The following CCSER1 variants were observed in gnomAD, a reference collection of about 807,000 sequenced individuals.
CCSER1 encodes the protein serine-rich coiled-coil domain-containing protein 1.
CCSER1 carries 41 observed loss-of-function variants against 82.0 expected under a neutral mutation model. The observed-to-expected ratio is 0.50, with a 90% CI of 0.39 to 0.65. CCSER1 has a LOEUF of 0.65. Ranked by LOEUF, CCSER1 falls within the 30% of genes least tolerant of loss-of-function variation. The probability of loss-of-function intolerance (pLI) is 0.00; values close to 1 mark genes in which losing one functional copy is unlikely to be tolerated. For missense variants in CCSER1, 1,119 were observed against 1,064.2 expected, an observed-to-expected ratio of 1.05 and a Z score of -0.72; for synonymous variants, 414 against 383.9, an observed-to-expected ratio of 1.08 and a Z score of -0.92.
chr4:90,628,186 C>T lies in CCSER1; in HGVS notation c.1886C>T (p.Thr629Met), dbSNP rs748961219. The change falls in exon 6 of 11, where the codon ACG becomes ATG. Residue 629 changes from threonine to methionine, a missense_variant. Coordinates refer to ENST00000509176, the MANE Select transcript of CCSER1 (RefSeq NM_001145065.2). Reference sequence around the variant, plus strand: ...TTCAGACTGATGTTACAGGACTGCACGGCAGTCAAGACGTTATTATTAAAG... The same window carrying T: ...TTCAGACTGATGTTACAGGACTGCATGGCAGTCAAGACGTTATTATTAAAG... ...LPFRLMLQDC[T>M]AVKTLLLKMK... 3.0e-5 allele frequency: 48 copies of T among 1,613,556 alleles called. No individual in the cohort carries two copies. The highest frequency in any genetic ancestry group is 1.2e-4 in the South Asian group (11 of 91,074).
intron 8 of CCSER1, among the ~76,000 whole-genome samples, chr4:90,846,260 T>A (rs1305794684): frequency 1.3e-5 from 2 of 152,210 alleles, no homozygotes; most frequent in Non-Finnish European, 2.9e-5. Flanking sequence ...GCGTGAGAGT[T>A]AAATTACTCC....
chr4:90,149,199 G>A lies in CCSER1; in HGVS notation c.-42+21368G>A, dbSNP rs1047232111. The stretch of plus-strand genomic sequence containing the variant: ...GATATTTTTCTTATTTTGAAGATGA[G>A]GATATGGAAGGATAGATATGCTGAG... On this transcript the variant is annotated intron_variant, in intron 1 of 10. Coordinates refer to ENST00000509176, the MANE Select transcript of CCSER1 (RefSeq NM_001145065.2). Among the ~76,000 whole-genome samples the A allele has an allele frequency of 2.0e-5, 3 of 152,114 alleles. No homozygotes were observed. In the South Asian group the frequency reaches 6.2e-4, roughly 32 times the overall value.
intron 10 of CCSER1, among the ~76,000 whole-genome samples, chr4:91,330,444 A>C (rs1746868555): frequency 6.6e-6 from 1 of 152,060 alleles, no homozygotes; most frequent in Non-Finnish European, 1.5e-5. Context: ...AGTCTTAGGA[A>C]ATTTTCTATT....
At chr4:91,532,942 A>G (rs1357507286) in intron 10 of CCSER1, among the ~76,000 whole-genome samples, 1 of 152,040 alleles carries the variant, frequency 6.6e-6, no homozygotes, top group African/African-American at 2.4e-5. Flanking sequence ...TTGTGGAGGT[A>G]TCCCATAAAG....
At chr4:90,728,472 TA>T (rs1744088561) in intron 7 of CCSER1, among the ~76,000 whole-genome samples, 1 of 152,158 alleles carries the variant, frequency 6.6e-6, no homozygotes, top group South Asian at 2.1e-4. Flanking sequence ...TTAACTTTAA[TA>T]TGCACAGAGC....
At chr4:90,265,909 T>A (rs533164114) in intron 1 of CCSER1, among the ~76,000 whole-genome samples, 2 of 152,164 alleles carry the variant, frequency 1.3e-5, no homozygotes, top group Non-Finnish European at 2.9e-5. Context: ...TTTTTAGTCA[T>A]TTAAATACAA....
At chr4:90,140,380 G>T (rs867216515) in intron 1 of CCSER1, among the ~76,000 whole-genome samples, 15 of 152,282 alleles carry the variant, frequency 9.9e-5, no homozygotes, top group Admixed American at 3.3e-4. Context: ...CAGAAGTGAT[G>T]ATTGTCTTTG....
At chr4:90,334,692 T>C (rs1460912210) in intron 3 of CCSER1, among the ~76,000 whole-genome samples, 4 of 152,166 alleles carry the variant, frequency 2.6e-5, no homozygotes, top group Non-Finnish European at 5.9e-5. Context: ...TACCCAATAA[T>C]CATGAACTTA....
chr4:91,160,472 C>T (rs1731273802), intron 10 of CCSER1, among the ~76,000 whole-genome samples: 1 of 152,218 alleles, frequency 6.6e-6, no homozygotes, highest in Non-Finnish European at 1.5e-5. Flanking sequence ...AATTGCCACA[C>T]TGTCTTCTAC....
chr4:90,354,369 T>C (rs181727557), intron 3 of CCSER1, among the ~76,000 whole-genome samples: 2 of 152,286 alleles, frequency 1.3e-5, no homozygotes, highest in Non-Finnish European at 2.9e-5. Flanking sequence ...ATTATGTATA[T>C]AAAATAACAT....
intron 10 of CCSER1, among the ~76,000 whole-genome samples, chr4:91,439,862 CAAAG>C (rs1271024097): frequency 1.3e-5 from 2 of 152,072 alleles, no homozygotes; most frequent in African/African-American, 2.4e-5. Flanking sequence ...TCAAAAGAGA[CAAAG>C]AAGGCCATTA....
Position 90,435,264 on chromosome 4 carries a change from A to G in CCSER1, c.1604-32970A>G, listed in dbSNP as rs1758840789. Among the ~76,000 whole-genome samples, 4 of 150,356 alleles carry G rather than the reference A, an allele frequency of 2.7e-5. No individual in the cohort carries two copies. In the South Asian group the frequency reaches 8.4e-4, roughly 31 times the overall value. On this transcript the variant is annotated intron_variant, in intron 4 of 10. Coordinates refer to ENST00000509176, the MANE Select transcript of CCSER1 (RefSeq NM_001145065.2). ...TGCAGACTTTTTAAAGCTTCTGTTT[A>G]TTGAATAATAGCTTAAATAAAGATG... is the stretch of plus-strand genomic sequence containing the variant.
At chr4:91,377,315 G>C (rs997455861) in intron 10 of CCSER1, among the ~76,000 whole-genome samples, 3 of 152,136 alleles carry the variant, frequency 2.0e-5, no homozygotes, top group African/African-American at 7.2e-5. Context: ...GATCCTTGAG[G>C]AATCGCCACA....
At chr4:90,990,916 T>C (rs1217974234) in intron 9 of CCSER1, among the ~76,000 whole-genome samples, 4 of 151,958 alleles carry the variant, frequency 2.6e-5, no homozygotes, top group Non-Finnish European at 4.4e-5. Context: ...TTCTATATTT[T>C]CATGATTTAA....
At chr4:90,754,319 T>C (rs1187093499) in intron 7 of CCSER1, among the ~76,000 whole-genome samples, 1 of 152,192 alleles carries the variant, frequency 6.6e-6, no homozygotes, top group East Asian at 1.9e-4. Context: ...AACATATACG[T>C]TTATGTATAT....
chr4:90,659,889 C>T (rs1035143629), intron 6 of CCSER1, among the ~76,000 whole-genome samples: 4 of 151,866 alleles, frequency 2.6e-5, no homozygotes, highest in African/African-American at 9.7e-5. Context: ...AACATTTTTT[C>T]ATATGCTAGA....
chr4:90,994,437 C>G (rs777970756), intron 9 of CCSER1, among the ~76,000 whole-genome samples: 25 of 151,746 alleles, frequency 1.6e-4, no homozygotes, highest in Non-Finnish European at 3.1e-4. Context: ...TATGGGTACT[C>G]AAAGTATGGT....
chr4:91,484,124 G>A (rs1043422603), intron 10 of CCSER1, among the ~76,000 whole-genome samples: 21 of 149,830 alleles, frequency 1.4e-4, no homozygotes, highest in African/African-American at 5.2e-4. Flanking sequence ...AATTCCACCA[G>A]CTGTTTTAAA....
chr4:91,525,467 C>T (rs1760723317), intron 10 of CCSER1, among the ~76,000 whole-genome samples: 1 of 152,122 alleles, frequency 6.6e-6, no homozygotes, highest in African/African-American at 2.4e-5. Context: ...TTAATTCACT[C>T]TGATTATGAA....
Sources: allele counts gnomAD v4.1 joint callset (sites outside exome capture counted in the v4.1 genomes callset), GRCh38; gene constraint gnomAD v4.1.1; transcripts MANE v1.5; gene names NCBI Gene and HGNC (gene_info 2026-07-23, HGNC 2026-07-21).